VPS13D: variants seen among roughly 807,000 people sequenced by gnomAD.
The protein encoded by VPS13D is vacuolar protein sorting 13 homolog D, also known as intermembrane lipid transfer protein VPS13D.
Under a neutral mutation model 461.9 loss-of-function variants are expected in VPS13D, and 187 were observed. The ratio of observed to expected loss-of-function variants is 0.40; its 90% confidence interval spans 0.36 to 0.46. The LOEUF (loss-of-function observed/expected upper bound fraction) is 0.46. Among genes scored for constraint, VPS13D ranks in the 20% least tolerant of loss-of-function variants. The pLI, the probability that VPS13D is intolerant of heterozygous loss-of-function variation, is 0.60. For missense variants in VPS13D, 4,711 were observed against 5,364.9 expected (o/e 0.88, Z 3.81); for synonymous variants, 1,951 against 1,986.3 (o/e 0.98, Z 0.47).
Position 12,379,136 on chromosome 1 carries a change from T to G in VPS13D, c.11082-352T>G, listed in dbSNP as rs147700991. Among the ~76,000 whole-genome samples, 1,099 of 152,282 alleles carry G rather than the reference T, an allele frequency of 7.2e-3. 16 individuals carry two copies. Among genetic ancestry groups the G allele is most frequent in the African/African-American group, 0.025 (1,053 of 41,550 alleles). On this transcript the variant is annotated intron_variant, in intron 56 of 69. Transcript: ENST00000620676. ...GTTAGAACAGAAAAGAATTTAGAAA[T>G]ACAACAGAAAAAAGACTGTTGGAAA...
chr1:12,432,314 AC>A (rs1244602833), intron 65 of VPS13D, among the ~76,000 whole-genome samples: 7 of 151,184 alleles, frequency 4.6e-5, no homozygotes, highest in Non-Finnish European at 1.0e-4. Flanking sequence ...AGTCGCTTGA[AC>A]CTGGGGAGGC....
chr1:12,373,911 G>A (rs1043137955), intron 55 of VPS13D, 53 bp downstream of exon 55: 3 of 1,400,204 alleles, frequency 2.1e-6, no homozygotes, highest in South Asian at 2.4e-5. Flanking sequence ...GCACTGGACG[G>A]GACTCAGGAT....
intron 2 of VPS13D, among the ~76,000 whole-genome samples, chr1:12,234,620 C>T (rs1004820106): frequency 2.6e-5 from 4 of 152,112 alleles, no homozygotes; most frequent in Admixed American, 2.0e-4. Context: ...TGTGCTTAGT[C>T]CCAGTTAACT....
In VPS13D at chr1:12,455,985, T is replaced by C; in HGVS notation, c.12334-13T>C. 1.3e-6 allele frequency: 2 copies of C among 1,594,022 alleles called. No individual in the cohort carries two copies. The highest frequency in any genetic ancestry group is 1.7e-6 in the Non-Finnish European group (2 of 1,173,276). On this transcript the variant is annotated splice_polypyrimidine_tract_variant and intron_variant, in intron 65 of 69. Transcript: ENST00000620676. ...GACTTTAAAACTCTTCTCCTGCTTT[T>C]AACTCCTTCTAGTTTGCTGGAACAT...
At chr1:12,461,066 A>G (rs1645406426) in intron 67 of VPS13D, among the ~76,000 whole-genome samples, 2 of 152,202 alleles carry the variant, frequency 1.3e-5, no homozygotes. Context: ...GCTTTAACGT[A>G]GCTGTTTGCT....
At chr1:12,441,336 A>G (rs1046819332) in intron 65 of VPS13D, among the ~76,000 whole-genome samples, 1 of 152,204 alleles carries the variant, frequency 6.6e-6, no homozygotes, top group African/African-American at 2.4e-5. Context: ...ACTGTGTTTC[A>G]GGCACTGTCC....
rs112104783 is a variant in VPS13D, at chr1:12,338,628, C to T, written c.8626+323C>T. On this transcript the variant is annotated intron_variant, in intron 40 of 69. Transcript: ENST00000620676. Reference sequence around the variant, plus strand: ...AGCAAGTGGATTGAGGAGCACCATGCTTCATCAAGCAGTGGTGCCACAAGT... The same window carrying T: ...AGCAAGTGGATTGAGGAGCACCATGTTTCATCAAGCAGTGGTGCCACAAGT... Among the ~76,000 whole-genome samples the T allele has an allele frequency of 4.1e-3, 623 of 152,236 alleles. 5 individuals are homozygous for T. The highest frequency in any genetic ancestry group is 0.014 in the African/African-American group (586 of 41,538).
At chr1:12,248,045 G>A (rs1375763634) in intron 5 of VPS13D, among the ~76,000 whole-genome samples, 3 of 151,552 alleles carry the variant, frequency 2.0e-5, no homozygotes, top group Non-Finnish European at 4.4e-5. Context: ...CTGCCACCAC[G>A]CCCCGCTAAT....
Position 12,511,256 on chromosome 1 carries a change from C to G in VPS13D, c.*2232C>G, listed in dbSNP as rs1646177928. 6.7e-6 allele frequency: 1 copy of G among 149,906 alleles called. No homozygotes were observed. Among genetic ancestry groups the G allele is most frequent in the Non-Finnish European group, 1.5e-5 (1 of 67,436 alleles). 9.3% of individuals were successfully genotyped at this position (149,906 alleles called of 1,614,324 possible). A position where few individuals can be genotyped will look rare whatever the true frequency, so the allele number is the denominator to read the frequency against. ...TTTGACATTTGCACCTTAGGAGAGG[C>G]AGATGTTAAAATGGAATCCAAAGAC... On this transcript the variant is annotated 3_prime_UTR_variant, in exon 70 of 70. Transcript: ENST00000620676. The surrounding 1 kb of genome is among the most constrained non-coding windows in gnomAD (Gnocchi z 4.5).
At chr1:12,462,087 G>A (rs1645420620) in intron 67 of VPS13D, among the ~76,000 whole-genome samples, 1 of 152,152 alleles carries the variant, frequency 6.6e-6, no homozygotes, top group Non-Finnish European at 1.5e-5. Flanking sequence ...ACTCAGGGTT[G>A]GGAATAGCAG....
rs745657407 is a variant in VPS13D at position 12,379,593 on chromosome 1, C to T, written c.11187C>T (p.Val3729=). 2 of 1,612,294 alleles carry T rather than the reference C, an allele frequency of 1.2e-6. No individual in the cohort carries two copies. The highest frequency in any genetic ancestry group is 1.1e-5 in the South Asian group (1 of 90,734). Residue 3729 remains valine, a synonymous_variant, in exon 57 of 70, where the codon GTC becomes GTT. Transcript: ENST00000620676. ...CCTGTGGGTTACATGGGTTGGTCGT[C>T]CAGGTCAGTCGTTTTTGATCCCCAA... ...KLTCGLHGLV[V]QAKGGLSGLF...
intron 29 of VPS13D, among the ~76,000 whole-genome samples, chr1:12,313,462 C>T (rs1299032707): frequency 6.6e-6 from 1 of 151,982 alleles, no homozygotes; most frequent in Non-Finnish European, 1.5e-5. Context: ...GCATGAGCCA[C>T]GTCACCCAGC....
At position 12,385,313 on chromosome 1, in the gene VPS13D, TC is replaced by T; in HGVS notation, c.11426del (p.Pro3809LeufsTer10). On this transcript the variant is annotated frameshift_variant, in exon 59 of 70. Coordinates refer to ENST00000620676, the MANE Select transcript of VPS13D (RefSeq NM_015378.4). LOFTEE classifies it high-confidence loss of function. The stretch of plus-strand genomic sequence containing the variant: ...GCCGTTCATATGAAGTGGATGAACT[TC>T]CTGTCACCGAACAAGAGCTGCAGAA... ...SSRSYEVDEL[P>X]VTEQELQKLK... The T allele has an allele frequency of 1.2e-6, 2 of 1,614,048 alleles. No homozygotes were observed. The highest frequency in any genetic ancestry group is 1.7e-6 in the Non-Finnish European group (2 of 1,179,932).
At chr1:12,285,394 A>G (rs2038099) in intron 21 of VPS13D, among the ~76,000 whole-genome samples, 32,711 of 150,576 alleles carry the variant, frequency 0.22, 6,499 homozygotes, top group African/African-American at 0.53. Flanking sequence ...GGGTTCAAGC[A>G]ATTCTCCTGC....
intron 66 of VPS13D, among the ~76,000 whole-genome samples, chr1:12,458,545 T>C (rs1264128190): frequency 2.0e-5 from 3 of 151,412 alleles, no homozygotes; most frequent in Non-Finnish European, 2.9e-5. Flanking sequence ...CCTGCCTGGG[T>C]GATAGACGGA....
At chr1:12,481,440 G>A (rs922549860) in intron 67 of VPS13D, among the ~76,000 whole-genome samples, 1 of 152,166 alleles carries the variant, frequency 6.6e-6, no homozygotes, top group Non-Finnish European at 1.5e-5. Context: ...TTCCAGGCTT[G>A]TAGAGGCAAG....
At chr1:12,432,198 A>C (rs1166783904) in intron 65 of VPS13D, among the ~76,000 whole-genome samples, 2 of 151,954 alleles carry the variant, frequency 1.3e-5, no homozygotes, top group African/African-American at 4.8e-5. Context: ...GTTCGAGATT[A>C]GCCTGACTAA....
intron 31 of VPS13D, 44 bp downstream of exon 31, chr1:12,318,381 T>C (rs1642945406): frequency 6.3e-7 from 1 of 1,576,484 alleles, no homozygotes; most frequent in African/African-American, 1.3e-5. Context: ...AGTTTGGATG[T>C]TAGGCTCAAT....
At chr1:12,477,794 A>AT (rs920879632) in intron 67 of VPS13D, among the ~76,000 whole-genome samples, 12 of 151,262 alleles carry the variant, frequency 7.9e-5, no homozygotes, top group East Asian at 7.8e-4. Context: ...CGAAAAATAA[A>AT]TTTTTTTTTT....
Sources: allele counts gnomAD v4.1 joint callset (sites outside exome capture counted in the v4.1 genomes callset), GRCh38; gene constraint gnomAD v4.1.1; non-coding constraint Gnocchi (gnomAD v3.1); transcripts MANE v1.5; gene names NCBI Gene and HGNC (gene_info 2026-07-23, HGNC 2026-07-21).